NUCKS1: variants seen among roughly 807,000 people sequenced by gnomAD.
The protein encoded by NUCKS1 is nuclear casein kinase and cyclin dependent kinase substrate 1.
A neutral mutation model predicts 33.0 loss-of-function variants in NUCKS1; 2 were observed. The observed-to-expected ratio is 0.06, with a 90% confidence interval of 0.02 to 0.19. The LOEUF is 0.19. Ranked by LOEUF, NUCKS1 falls within the 10% of genes least tolerant of loss-of-function variation. NUCKS1 has a pLI of 1.00. For missense variants in NUCKS1, 201 were observed against 293.6 expected (o/e 0.68, Z 2.31); for synonymous variants, 106 against 102.8 (o/e 1.03, Z -0.19).
At position 205,718,237 on chromosome 1, in the gene NUCKS1, CTTTTTTTTTT is replaced by C. The variant is rs758227848; in HGVS notation, c.*33_*42del. On this transcript the variant is annotated 3_prime_UTR_variant, in exon 7 of 7. Transcript: ENST00000367142. ...TCCTCCCTCTTTTTTCTTTTTTTTT[CTTTTTTTTTT>C]TAATAAAATCTCTCCCCAGACCATC... The C allele has an allele frequency of 6.1e-6, 4 of 653,546 alleles. No individual in the cohort carries two copies. In the South Asian group the frequency reaches 7.5e-5, roughly 12 times the overall value. The allele number at this position is 653,546 out of a possible 1,614,324, so 40.5% of individuals were successfully genotyped here.
Position 205,718,103 on chromosome 1 carries a change from A to AGAG in NUCKS1, c.*176_*177insCTC. On this transcript the variant is annotated 3_prime_UTR_variant, in exon 7 of 7. Coordinates refer to ENST00000367142, the MANE Select transcript of NUCKS1 (RefSeq NM_022731.5). ...TTTGCTTTAAAAAAAAAAAAAAAAA[A>AGAG]AGAGAGAGAGAGAGAAATGTTACTT... 1 of 1,124,694 alleles carries AGAG rather than the reference A, an allele frequency of 8.9e-7. No individual in the cohort carries two copies. The highest frequency in any genetic ancestry group is 1.1e-6 in the Non-Finnish European group (1 of 897,024). The allele number at this position is 1,124,694 out of a possible 1,614,324, so 69.7% of individuals were successfully genotyped here. A position where few individuals can be genotyped will look rare whatever the true frequency, so the allele number is the denominator to read the frequency against.
At chr1:205,746,150 G>A (rs1003872555) in intron 1 of NUCKS1, among the ~76,000 whole-genome samples, 1 of 152,016 alleles carries the variant, frequency 6.6e-6, no homozygotes, top group Non-Finnish European at 1.5e-5. Context: ...ACAAAAGTTA[G>A]CTGGGTGTGG....
Position 205,717,220 on chromosome 1 carries a change from A to T in NUCKS1, c.*1060T>A. Reference sequence around the variant, plus strand: ...GCAGAGCATGGTTAATGGGACCTGAATGCACATTTATAGCATAAAAGAATG... The same window carrying T: ...GCAGAGCATGGTTAATGGGACCTGATTGCACATTTATAGCATAAAAGAATG... On this transcript the variant is annotated 3_prime_UTR_variant, in exon 7 of 7. Coordinates refer to ENST00000367142, the MANE Select transcript of NUCKS1 (RefSeq NM_022731.5). 1 of 701,338 alleles carries T rather than the reference A, an allele frequency of 1.4e-6. No individual in the cohort carries two copies. Among genetic ancestry groups the T allele is most frequent in the Non-Finnish European group, 1.8e-6 (1 of 568,990 alleles). The allele number at this position is 701,338 out of a possible 1,614,324, so 43.4% of individuals were successfully genotyped here. A position where few individuals can be genotyped will look rare whatever the true frequency, so the allele number is the denominator to read the frequency against.
chr1:205,744,946 TA>T (rs1654279978), intron 1 of NUCKS1, among the ~76,000 whole-genome samples: 1 of 152,130 alleles, frequency 6.6e-6, no homozygotes, highest in Non-Finnish European at 1.5e-5. Flanking sequence ...CGAGAGATAT[TA>T]ATGTGATTGT....
At chr1:205,749,207 G>A (rs190681355) in intron 1 of NUCKS1, among the ~76,000 whole-genome samples, 2 of 152,348 alleles carry the variant, frequency 1.3e-5, no homozygotes, top group East Asian at 1.9e-4. Flanking sequence ...TTTCCCCGAG[G>A]AAGGACATTT....
chr1:205,748,560 T>C (rs1228898880), intron 1 of NUCKS1, among the ~76,000 whole-genome samples: 1 of 152,196 alleles, frequency 6.6e-6, no homozygotes, highest in African/African-American at 2.4e-5. Context: ...AGAGTAGAGA[T>C]CGTGAGTTAC....
At chr1:205,738,855 A>C (rs955458735) in intron 1 of NUCKS1, among the ~76,000 whole-genome samples, 1 of 152,076 alleles carries the variant, frequency 6.6e-6, no homozygotes, top group Admixed American at 6.6e-5. Flanking sequence ...TTGCAGTGCG[A>C]GTCGAGATCA....
intron 1 of NUCKS1, among the ~76,000 whole-genome samples, chr1:205,730,178 T>G (rs112333099): frequency 0.015 from 2,335 of 151,984 alleles, 56 homozygotes; most frequent in African/African-American, 0.054. Context: ...CTCAGCCTCC[T>G]GAGTAGCTGG....
In NUCKS1 at chr1:205,717,097, A is replaced by T. The variant is rs74143155; in HGVS notation, c.*1183T>A. On this transcript the variant is annotated 3_prime_UTR_variant, in exon 7 of 7. Coordinates refer to ENST00000367142, the MANE Select transcript of NUCKS1 (RefSeq NM_022731.5). ...GTAGGGTGTGCAGTGGTGCTCTACG[A>T]AGCAGCAGGATCACAGGGATGTACT... The T allele has an allele frequency of 0.016, 2,717 of 167,154 alleles. 60 individuals carry two copies. The highest frequency in any genetic ancestry group is 0.045 in the African/African-American group (1,892 of 41,794). 10.4% of individuals were successfully genotyped at this position (167,154 alleles called of 1,614,324 possible).
At chr1:205,749,342 A>G (rs932951001) in intron 1 of NUCKS1, among the ~76,000 whole-genome samples, 1 of 152,190 alleles carries the variant, frequency 6.6e-6, no homozygotes, top group African/African-American at 2.4e-5. Context: ...CGGGGGGAAA[A>G]AAACGGGTCC....
chr1:205,725,740 T>A (rs1316133346), intron 3 of NUCKS1, among the ~76,000 whole-genome samples: 1 of 152,186 alleles, frequency 6.6e-6, no homozygotes, highest in African/African-American at 2.4e-5. Flanking sequence ...TTTATTTCAA[T>A]CCTTCCAGCA....
chr1:205,745,872 AC>A (rs1405890136), intron 1 of NUCKS1, among the ~76,000 whole-genome samples: 1 of 152,246 alleles, frequency 6.6e-6, no homozygotes. Flanking sequence ...ACAGTTCCTG[AC>A]TGCATTTTTT....
intron 1 of NUCKS1, among the ~76,000 whole-genome samples, chr1:205,742,335 C>T (rs966489022): frequency 2.6e-5 from 4 of 152,172 alleles, no homozygotes; most frequent in African/African-American, 9.7e-5. Context: ...TCTTAAGCAG[C>T]CTGTGATCTC....
intron 5 of NUCKS1, among the ~76,000 whole-genome samples, chr1:205,720,178 C>A (rs150053700): frequency 1.5e-3 from 221 of 152,244 alleles, no homozygotes; most frequent in African/African-American, 4.9e-3. Context: ...AGGTCTACAA[C>A]CTCCTCCACC....
chr1:205,747,765 T>C (rs1306795282), intron 1 of NUCKS1, among the ~76,000 whole-genome samples: 3 of 152,218 alleles, frequency 2.0e-5, no homozygotes, highest in Non-Finnish European at 4.4e-5. Context: ...TGATGTTAAA[T>C]GCACTAAGGG....
Position 205,714,509 on chromosome 1 carries a change from G to C in NUCKS1, c.*3771C>G, listed in dbSNP as rs183987375. The C allele has an allele frequency of 1.1e-3, 163 of 151,540 alleles. No individual in the cohort carries two copies. The highest frequency in any genetic ancestry group is 3.4e-3 in the Middle Eastern group (1 of 292). 9.4% of individuals were successfully genotyped at this position (151,540 alleles called of 1,614,324 possible). A position where few individuals can be genotyped will look rare whatever the true frequency, so the allele number is the denominator to read the frequency against. On this transcript the variant is annotated 3_prime_UTR_variant, in exon 7 of 7. Coordinates refer to ENST00000367142, the MANE Select transcript of NUCKS1 (RefSeq NM_022731.5). ...AATTTTGTGAATTTGAAAAAAAAAA[G>C]TGTAATTTATGGATTCAGGATTCAA...
chr1:205,721,118 G>T (rs1233568958), intron 4 of NUCKS1, among the ~76,000 whole-genome samples: 2 of 151,790 alleles, frequency 1.3e-5, no homozygotes, highest in African/African-American at 2.4e-5. Flanking sequence ...GGCGAGGGAG[G>T]GGGCAGGGTG....
intron 3 of NUCKS1, among the ~76,000 whole-genome samples, chr1:205,726,670 G>A (rs1436721878): frequency 2.6e-5 from 4 of 152,210 alleles, no homozygotes. Flanking sequence ...GAGTCCAACA[G>A]ACATGGTTTC....
Position 205,718,062 on chromosome 1 carries a change from C to G in NUCKS1, c.*218G>C. 8.5e-7 allele frequency: 1 copy of G among 1,178,732 alleles called. No homozygotes were observed. The highest frequency in any genetic ancestry group is 1.0e-6 in the Non-Finnish European group (1 of 955,390). 73.0% of individuals were successfully genotyped at this position (1,178,732 alleles called of 1,614,324 possible). On this transcript the variant is annotated 3_prime_UTR_variant, in exon 7 of 7. Coordinates refer to ENST00000367142, the MANE Select transcript of NUCKS1 (RefSeq NM_022731.5). ...AATAGACAAAAAGGTAACTTAAACA[C>G]TTACACATACAATGGTTTGCTTTAA...
Sources: gnomAD v4.1 joint callset for allele counts (sites outside exome capture counted in the v4.1 genomes callset) on GRCh38, gnomAD v4.1.1 for gene constraint, MANE v1.5 for transcripts, NCBI Gene and HGNC (gene_info 2026-07-23, HGNC 2026-07-21) for gene names.